Variants in TESMIN observed in about 807,000 individuals in gnomAD.
TESMIN encodes CXC domain containing 2.
Under a neutral mutation model 47.4 loss-of-function variants are expected in TESMIN, and 34 were observed. The ratio of observed to expected loss-of-function variants is 0.72; its 90% CI spans 0.55 to 0.96. The LOEUF is 0.96. Ranked by LOEUF, TESMIN falls within the 40% of genes least tolerant of loss-of-function variation. TESMIN has a pLI of 0.00. For missense variants in TESMIN, 610 were observed against 637.2 expected, an observed-to-expected ratio of 0.96 and a Z score of 0.46; for synonymous variants, 278 against 258.9, an observed-to-expected ratio of 1.07 and a Z score of -0.71.
At chr11:68,748,761 T>A (rs1946552539) in intron 2 of TESMIN, among the ~76,000 whole-genome samples, 1 of 152,240 alleles carries the variant, frequency 6.6e-6, no homozygotes, top group Non-Finnish European at 1.5e-5. Flanking sequence ...TCCTTTAGTT[T>A]GTCAGACCAG....
At chr11:68,738,985 C>G (rs576225277) in intron 5 of TESMIN, among the ~76,000 whole-genome samples, 197 bp from the exon 6 acceptor site, 11 of 152,226 alleles carry the variant, frequency 7.2e-5, no homozygotes, top group African/African-American at 2.2e-4. Context: ...GTGTCACAGC[C>G]TGTCTGGAAG....
At chr11:68,739,797 G>A (rs1033454510) in intron 5 of TESMIN, among the ~76,000 whole-genome samples, 4 of 152,206 alleles carry the variant, frequency 2.6e-5, no homozygotes, top group Non-Finnish European at 5.9e-5. Flanking sequence ...AAGGCCCTGA[G>A]ACAGGTGTCC....
intron 5 of TESMIN, among the ~76,000 whole-genome samples, chr11:68,740,426 TG>T (rs1439033052): frequency 6.6e-6 from 1 of 151,454 alleles, no homozygotes; most frequent in Non-Finnish European, 1.5e-5. Context: ...CAAGGAAAGG[TG>T]GGGGAAGGTG....
intron 7 of TESMIN, 37 bp from the exon 8 acceptor site, chr11:68,713,444 T>G (rs1946097409): frequency 6.2e-7 from 1 of 1,610,290 alleles, no homozygotes; most frequent in Non-Finnish European, 8.5e-7. Flanking sequence ...GGATGGATTT[T>G]ATCATTTAAA....
At chr11:68,711,580 C>T (rs1946073205) in intron 8 of TESMIN, among the ~76,000 whole-genome samples, 1 of 152,162 alleles carries the variant, frequency 6.6e-6, no homozygotes, top group African/African-American at 2.4e-5. Context: ...TCTCCCTTCT[C>T]TACCCGGGAG....
intron 6 of TESMIN, chr11:68,736,024 TAA>T: frequency 1.1e-6 from 1 of 942,640 alleles, no homozygotes; most frequent in Non-Finnish European, 1.3e-6. Flanking sequence ...ATCTAAAAAT[TAA>T]AGAGTTAGAA....
At chr11:68,731,703 C>A (rs1490665304) in intron 6 of TESMIN, among the ~76,000 whole-genome samples, 1 of 152,192 alleles carries the variant, frequency 6.6e-6, no homozygotes, top group Non-Finnish European at 1.5e-5. Context: ...TGTTCCTTCA[C>A]CTGAACCAAG....
intron 5 of TESMIN, 137 bp from the exon 6 acceptor site, chr11:68,738,925 C>A: frequency 1.4e-6 from 1 of 692,950 alleles, no homozygotes. Context: ...CATGTCTGGC[C>A]TTATTACCAC....
intron 9 of TESMIN, among the ~76,000 whole-genome samples, chr11:68,709,861 T>C (rs1401733717): frequency 6.6e-6 from 1 of 152,178 alleles, no homozygotes; most frequent in African/African-American, 2.4e-5. Context: ...TTTGGTAAAT[T>C]TTTACTGATA....
At chr11:68,736,466 C>A (rs760614531) in intron 6 of TESMIN, 110 of 985,218 alleles carry the variant, frequency 1.1e-4, no homozygotes, top group Non-Finnish European at 1.3e-4. Flanking sequence ...GGAACTCACA[C>A]GGAATGAAAT....
chr11:68,711,161 G>T, intron 8 of TESMIN, 112 bp from the exon 9 acceptor site: 1 of 926,298 alleles, frequency 1.1e-6, no homozygotes, highest in Non-Finnish European at 1.6e-6. Context: ...CCATGACAGA[G>T]AGTGTGTGTG....
intron 6 of TESMIN, among the ~76,000 whole-genome samples, chr11:68,725,852 T>A (rs767909119): frequency 6.6e-6 from 1 of 152,124 alleles, no homozygotes; most frequent in Non-Finnish European, 1.5e-5. Context: ...TTAATAACAT[T>A]GAATTAAATA....
At chr11:68,720,828 A>T (rs184642711) in intron 6 of TESMIN, among the ~76,000 whole-genome samples, 4 of 152,360 alleles carry the variant, frequency 2.6e-5, no homozygotes, top group Admixed American at 2.0e-4. Flanking sequence ...TGGAATTTTT[A>T]AAAATACAAA....
intron 6 of TESMIN, among the ~76,000 whole-genome samples, chr11:68,729,369 CA>C (rs34803809): frequency 0.7 from 106,177 of 151,238 alleles, 37,833 homozygotes; most frequent in East Asian, 0.86. Context: ...ACTAAAAATA[CA>C]AAAAATTAGC....
chr11:68,724,854 C>G lies in TESMIN; in HGVS notation c.918-8915G>C, dbSNP rs144389501. Among the ~76,000 whole-genome samples the G allele has an allele frequency of 2.2e-3, 337 of 152,238 alleles. 2 individuals are homozygous for G. The highest frequency in any genetic ancestry group is 3.8e-3 in the Non-Finnish European group (259 of 68,016). ...TGTATTCTACCTAATAAGGGCATCT[C>G]TCAAAAACCTACAGCAACTATCTTA... is the stretch of plus-strand genomic sequence containing the variant. On this transcript the variant is annotated intron_variant, in intron 6 of 9. Transcript: ENST00000255087.
intron 6 of TESMIN, among the ~76,000 whole-genome samples, chr11:68,720,215 A>C (rs1946189417): frequency 6.6e-6 from 1 of 151,862 alleles, no homozygotes; most frequent in South Asian, 2.1e-4. Context: ...TTCACCGTAC[A>C]CTCTTTTGCT....
At chr11:68,749,989 C>A (rs1156720798) in intron 2 of TESMIN, among the ~76,000 whole-genome samples, 1 of 152,158 alleles carries the variant, frequency 6.6e-6, no homozygotes, top group Non-Finnish European at 1.5e-5. Context: ...GGGGAAAGGG[C>A]TTGGCTGGGC....
At chr11:68,745,567 C>T (rs969612151) in intron 3 of TESMIN, among the ~76,000 whole-genome samples, 2 of 152,346 alleles carry the variant, frequency 1.3e-5, no homozygotes, top group East Asian at 1.9e-4. Flanking sequence ...TCCCTGGGCA[C>T]GCACTTAAAA....
intron 6 of TESMIN, among the ~76,000 whole-genome samples, chr11:68,726,474 T>TA (rs944481456): frequency 1.3e-5 from 2 of 152,046 alleles, no homozygotes; most frequent in Non-Finnish European, 1.5e-5. Flanking sequence ...ATTCGCAGTT[T>TA]AAAAAAATCA....
Sources: gnomAD v4.1 joint callset for allele counts (sites outside exome capture counted in the v4.1 genomes callset) on GRCh38, gnomAD v4.1.1 for gene constraint, MANE v1.5 for transcripts, NCBI Gene and HGNC (gene_info 2026-07-23, HGNC 2026-07-21) for gene names.